Variants in ANK1 observed in about 807,000 individuals in gnomAD.
The protein encoded by ANK1 is ankyrin-1.
ANK1 carries 51 observed loss-of-function variants against 210.4 expected under a neutral mutation model. The ratio of observed to expected loss-of-function variants is 0.24; its 90% confidence interval spans 0.19 to 0.31. The LOEUF (loss-of-function observed/expected upper bound fraction) is 0.31. ANK1 is among the 10% of genes least tolerant of loss of function. The pLI is 1.00. For synonymous variants in ANK1, 967 were observed against 1,025.9 expected (o/e 0.94, Z 1.10); for missense variants, 2,051 against 2,504.4 (o/e 0.82, Z 3.86).
At chr8:41,663,927 C>A in intron 39 of ANK1, 185 bp from the exon 40 acceptor site, 1 of 671,686 alleles carries the variant, frequency 1.5e-6, no homozygotes, top group Middle Eastern at 3.3e-4. Context: ...GGCGGCGCCC[C>A]TGAGGGTCTG....
chr8:41,675,491 T>G (rs895081794), intron 37 of ANK1, among the ~76,000 whole-genome samples: 2 of 152,226 alleles, frequency 1.3e-5, no homozygotes, highest in Non-Finnish European at 2.9e-5. Flanking sequence ...CTTTATAGAT[T>G]AGGAAACTAC....
intron 1 of ANK1, among the ~76,000 whole-genome samples, chr8:41,763,889 CTTTTTTTTTTTTTTT>C (rs869100297): frequency 8.6e-5 from 5 of 57,808 alleles, no homozygotes; most frequent in East Asian, 5.8e-4. Context: ...TTCTTTTTTT[CTTTTTTTTTTTTTTT>C]TTTTTTTTTT....
At chr8:41,783,609 CT>C (rs1845761282) in intron 1 of ANK1, among the ~76,000 whole-genome samples, 1 of 135,924 alleles carries the variant, frequency 7.4e-6, no homozygotes, top group African/African-American at 3.0e-5. Context: ...GAACGCCATC[CT>C]CTTAATGGAG....
intron 1 of ANK1, among the ~76,000 whole-genome samples, chr8:41,815,987 C>CT (rs1371669154): frequency 6.6e-6 from 1 of 152,156 alleles, no homozygotes; most frequent in Non-Finnish European, 1.5e-5. Flanking sequence ...GAAGGGTATA[C>CT]TTACCAAAGA....
rs1003545416 is a variant in ANK1 at position 41,885,977 on chromosome 8, G to T, written c.126+10378C>A. ...ACCAACCTTGGCATTTGACCTGATG[G>T]CCATCTCCAGAAAGGCTAACACTGC... On this transcript the variant is annotated intron_variant, in intron 1 of 42. Coordinates refer to the ANK1 transcript ENST00000265709. Among the ~76,000 whole-genome samples, 9 of 152,196 alleles carry T rather than the reference G, an allele frequency of 5.9e-5. No individual in the cohort carries two copies. In the South Asian group the frequency reaches 6.2e-4, roughly 10 times the overall value.
rs373227714 is a variant in ANK1 at position 41,708,814 on chromosome 8, C to G, written c.1962G>C (p.Leu654=). ...QEGHAEMVAL[L]LSKQANGNLG... The stretch of plus-strand genomic sequence containing the variant: ...GGTTGCCATTGGCTTGTTTCGAGAG[C>G]AGCAGAGCCACCATCTCTGCGTGGC... Residue 654 remains leucine (L), a synonymous_variant, in exon 17 of 43, where the codon CTG becomes CTC. Transcript: ENST00000289734. 2.5e-6 allele frequency: 4 copies of G among 1,614,008 alleles called. No individual in the cohort carries two copies. The highest frequency in any genetic ancestry group is 1.6e-4 in the Middle Eastern group (1 of 6,062).
intron 1 of ANK1, among the ~76,000 whole-genome samples, chr8:41,841,127 G>A (rs551889215): frequency 5.9e-5 from 9 of 152,258 alleles, no homozygotes; most frequent in East Asian, 1.9e-4. Context: ...AGTATTCACC[G>A]CAGCCAAGAC....
chr8:41,781,662 C>T (rs1035123192), intron 1 of ANK1, among the ~76,000 whole-genome samples: 9 of 152,206 alleles, frequency 5.9e-5, no homozygotes, highest in South Asian at 4.1e-4. Context: ...CGGACCATTC[C>T]ACAGTCACCC....
At chr8:41,678,624 C>T (rs1458421476) in intron 37 of ANK1, among the ~76,000 whole-genome samples, 6 of 152,222 alleles carry the variant, frequency 3.9e-5, no homozygotes, top group African/African-American at 9.6e-5. Context: ...TCTGCAGTGT[C>T]TAATGTCTAA....
At chr8:41,732,094 C>T (rs1832320309) in intron 3 of ANK1, among the ~76,000 whole-genome samples, 1 of 152,214 alleles carries the variant, frequency 6.6e-6, no homozygotes, top group African/African-American at 2.4e-5. Context: ...ATGAAAATTA[C>T]AGAATTTTAC....
Position 41,719,819 on chromosome 8 carries a change from G to A in ANK1, c.949C>T (p.His317Tyr), listed in dbSNP as rs1828788578. The A allele has an allele frequency of 1.2e-6, 2 of 1,614,238 alleles. No homozygotes were observed. Among genetic ancestry groups the A allele is most frequent in the East Asian group, 4.5e-5 (2 of 44,884 alleles). Residue 317 changes from histidine (H) to tyrosine (Y), a missense_variant, in exon 10 of 43, where the codon CAC becomes TAC. Transcript: ENST00000289734. ...AACAGGAGCCGGACACAGTCGAGGTGGTCTCCCTGAGCCGCCATGTGAATT... is the reference window on the plus strand; with the variant it reads ...AACAGGAGCCGGACACAGTCGAGGTAGTCTCCCTGAGCCGCCATGTGAATT... ...SPIHMAAQGD[H>Y]LDCVRLLLQY... is the part of the protein sequence containing the mutation.
At chr8:41,876,389 AC>A (rs1816620676) in intron 1 of ANK1, among the ~76,000 whole-genome samples, 1 of 152,302 alleles carries the variant, frequency 6.6e-6, no homozygotes, top group African/African-American at 2.4e-5. Context: ...AACAGGCCCC[AC>A]CCGGAGAGGG....
chr8:41,680,435 C>T (rs959311667), intron 37 of ANK1, among the ~76,000 whole-genome samples: 1 of 151,860 alleles, frequency 6.6e-6, no homozygotes, highest in African/African-American at 2.4e-5. Context: ...TGGTGGCGGG[C>T]ACCTGTAGTC....
intron 1 of ANK1, among the ~76,000 whole-genome samples, chr8:41,883,702 T>C (rs1417854508): frequency 6.6e-6 from 1 of 152,088 alleles, no homozygotes; most frequent in Non-Finnish European, 1.5e-5. Context: ...TGAAGGGATC[T>C]TCCCACCTCA....
At chr8:41,821,865 T>C (rs1196281048) in intron 1 of ANK1, among the ~76,000 whole-genome samples, 1 of 151,936 alleles carries the variant, frequency 6.6e-6, no homozygotes, top group Non-Finnish European at 1.5e-5. Flanking sequence ...CTGGCCAACA[T>C]AGTGAAACCT....
At chr8:41,785,800 C>T (rs932535544) in intron 1 of ANK1, among the ~76,000 whole-genome samples, 2 of 152,236 alleles carry the variant, frequency 1.3e-5, no homozygotes, top group African/African-American at 4.8e-5. Context: ...CGCTCAGAGC[C>T]GTCCATTGCT....
At chr8:41,693,284 G>C in intron 29 of ANK1, 83 bp from the exon 30 acceptor site, 1 of 1,261,872 alleles carries the variant, frequency 7.9e-7, no homozygotes. Flanking sequence ...GCCGTGGTGT[G>C]CAAGGTGAGA....
chr8:41,796,739 C>T (rs1278303239), intron 1 of ANK1, among the ~76,000 whole-genome samples: 1 of 151,646 alleles, frequency 6.6e-6, no homozygotes, highest in East Asian at 2.0e-4. Context: ...TGATGTCCAA[C>T]TCTGGGCTCT....
chr8:41,672,559 T>G lies in ANK1; in HGVS notation c.4891A>C (p.Thr1631Pro). ...VEDDTVDSDA[T>P]NGLIDLLEQE... ...TCAAGCAAATCGATAAGGCCATTTGTGGCATCTGAATCCACTGTGTCGTCC... is the reference window on the plus strand; with the variant it reads ...TCAAGCAAATCGATAAGGCCATTTGGGGCATCTGAATCCACTGTGTCGTCC... Residue 1631 changes from threonine to proline, a missense_variant, in exon 38 of 43, where the codon ACA (threonine) becomes CCA (proline). Physicochemically the swap from Thr to Pro is conservative, Grantham distance 38. Transcript: ENST00000289734. 1 of 1,614,214 alleles carries G rather than the reference T, an allele frequency of 6.2e-7. No individual in the cohort carries two copies. The highest frequency in any genetic ancestry group is 8.5e-7 in the Non-Finnish European group (1 of 1,180,040).
Sources: gnomAD v4.1 joint callset for allele counts (sites outside exome capture counted in the v4.1 genomes callset) on GRCh38, gnomAD v4.1.1 for gene constraint, MANE v1.5 for transcripts, NCBI Gene and HGNC (gene_info 2026-07-23, HGNC 2026-07-21) for gene names.